Variants in BAZ1B observed in about 807,000 individuals in gnomAD.
BAZ1B encodes the protein bromodomain adjacent to zinc finger domain 1B, also known as tyrosine-protein kinase BAZ1B.
Under a neutral mutation model 153.8 loss-of-function variants are expected in BAZ1B, and 22 were observed. The ratio of observed to expected loss-of-function variants is 0.14; its 90% CI spans 0.10 to 0.20. The LOEUF is 0.20. Among genes scored for constraint, BAZ1B ranks in the 10% least tolerant of loss-of-function variants. BAZ1B has a pLI of 1.00. For synonymous variants in BAZ1B, 676 were observed against 633.4 expected (o/e 1.07, Z -1.01); for missense variants, 1,325 against 1,799.3 (o/e 0.74, Z 4.77).
intron 4 of BAZ1B, 152 bp from the exon 5 acceptor site, chr7:73,493,073 TA>T: frequency 1.3e-6 from 1 of 758,452 alleles, no homozygotes; most frequent in Non-Finnish European, 2.0e-6. Context: ...TTCAAGGAGC[TA>T]AAGTCTATGA....
At chr7:73,516,890 A>G (rs1359914364) in intron 1 of BAZ1B, among the ~76,000 whole-genome samples, 1 of 151,490 alleles carries the variant, frequency 6.6e-6, no homozygotes, top group Non-Finnish European at 1.5e-5. Context: ...TTATATTAAG[A>G]GAAAGCAAGG....
In BAZ1B at chr7:73,498,701, A is replaced by G. The variant is rs143241876; in HGVS notation, c.370-3T>C. ...TTGAGCATTTTCTCCTTCCCAACCT[A>G]TAAAGGAGGTAGTAGAGAAAATCAG... On this transcript the variant is annotated splice_region_variant and splice_polypyrimidine_tract_variant and intron_variant, in intron 3 of 19. Coordinates refer to ENST00000339594, the MANE Select transcript of BAZ1B (RefSeq NM_032408.4). 1.2e-5 allele frequency: 20 copies of G among 1,613,100 alleles called. No individual in the cohort carries two copies. The East Asian group carries it at 3.6e-4, about 29-fold the overall frequency.
Position 73,477,093 on chromosome 7 carries a change from T to G in BAZ1B, c.2368A>C (p.Lys790Gln), listed in dbSNP as rs782392160. The G allele has an allele frequency of 6.2e-7, 1 of 1,614,086 alleles. No individual in the cohort carries two copies. Among genetic ancestry groups the G allele is most frequent in the Non-Finnish European group, 8.5e-7 (1 of 1,180,038 alleles). Residue 790 changes from lysine to glutamine, a missense_variant, in exon 7 of 20, where the codon AAG becomes CAG. Coordinates refer to ENST00000339594, the MANE Select transcript of BAZ1B (RefSeq NM_032408.4). This position sits in a 1 kb window ranked among gnomAD's most constrained non-coding sequence, Gnocchi z 5.6. ...CGTTTCTGTTTCTCTGCTCTCTTCTTATCATTTTCTTCCTTCAACACAGCA... is the reference window on the plus strand; with the variant it reads ...CGTTTCTGTTTCTCTGCTCTCTTCTGATCATTTTCTTCCTTCAACACAGCA... ...RLAVLKEEND[K>Q]KRAEKQKRKE...
At chr7:73,474,044 G>A (rs1554572432) in intron 7 of BAZ1B, among the ~76,000 whole-genome samples, 1 of 152,154 alleles carries the variant, frequency 6.6e-6, no homozygotes, top group African/African-American at 2.4e-5. Flanking sequence ...TTACTACAAA[G>A]CAAAGTTATC....
At chr7:73,487,899 G>C (rs1252296299) in intron 6 of BAZ1B, among the ~76,000 whole-genome samples, 1 of 152,138 alleles carries the variant, frequency 6.6e-6, no homozygotes, top group Non-Finnish European at 1.5e-5. Flanking sequence ...TTATCTTGCT[G>C]GTCTAGAATA....
chr7:73,481,466 G>A (rs559846391), intron 6 of BAZ1B, among the ~76,000 whole-genome samples: 9 of 148,076 alleles, frequency 6.1e-5, no homozygotes, highest in East Asian at 2.1e-4. Context: ...GCAGCGAGCC[G>A]AGATGGCGCC....
chr7:73,477,454 T>G lies in BAZ1B; in HGVS notation c.2007A>C (p.Glu669Asp). ...GCTTCATTCCCAATTCACCATAGTCTTCTGCTATCTCATCTTGTAGGAGGG... is the reference window on the plus strand; with the variant it reads ...GCTTCATTCCCAATTCACCATAGTCGTCTGCTATCTCATCTTGTAGGAGGG... ...LQTLLQDEIA[E>D]DYGELGMKLS... Residue 669 changes from glutamate (E) to aspartate (D), a missense_variant, in exon 7 of 20, where the codon GAA becomes GAC. Coordinates refer to ENST00000339594, the MANE Select transcript of BAZ1B (RefSeq NM_032408.4). The surrounding 1 kb of genome is among the most constrained non-coding windows in gnomAD (Gnocchi z 5.6). 6.2e-7 allele frequency: 1 copy of G among 1,614,250 alleles called. No homozygotes were observed. The highest frequency in any genetic ancestry group is 8.5e-7 in the Non-Finnish European group (1 of 1,180,052).
chr7:73,521,665 G>A (rs559111017), intron 1 of BAZ1B, among the ~76,000 whole-genome samples, 162 bp downstream of exon 1: 2 of 151,500 alleles, frequency 1.3e-5, no homozygotes, highest in South Asian at 4.1e-4. Context: ...TGGAAGGATC[G>A]GCGGGCGCAG....
In BAZ1B at chr7:73,459,568, C is replaced by T; in HGVS notation, c.3400G>A (p.Asp1134Asn). 1 of 1,613,786 alleles carries T rather than the reference C, an allele frequency of 6.2e-7. No individual in the cohort carries two copies. The highest frequency in any genetic ancestry group is 8.5e-7 in the Non-Finnish European group (1 of 1,179,964). ...SEDSAKTEEV[D>N]EEKKMVEEAK... ...TCCTCTACCATTTTCTTCTCTTCAT[C>T]CACTTCCTCAGTTTTTGCTGAATCT... is the stretch of plus-strand genomic sequence containing the variant. The change falls in exon 13 of 20, where the codon GAT (aspartate) becomes AAT (asparagine). Residue 1134 changes from aspartate to asparagine, a missense_variant. Around this residue, in one of 9 missense-constraint regions of BAZ1B, gnomAD observed 431 missense variants for 563.5 expected, o/e 0.76. Transcript: ENST00000339594.
chr7:73,480,265 C>G (rs575683862), intron 6 of BAZ1B, among the ~76,000 whole-genome samples: 1 of 152,174 alleles, frequency 6.6e-6, no homozygotes, highest in East Asian at 1.9e-4. Flanking sequence ...TTAGTCCACT[C>G]ATGTTCCCAC....
chr7:73,470,552 A>G (rs1788763206), intron 7 of BAZ1B, 69 bp from the exon 8 acceptor site: 1 of 1,561,480 alleles, frequency 6.4e-7, no homozygotes, highest in South Asian at 1.2e-5. Flanking sequence ...ATTAAATAAA[A>G]TATGGAGTAA....
intron 12 of BAZ1B, 152 bp from the exon 13 acceptor site, chr7:73,459,870 C>A: frequency 2.9e-6 from 2 of 690,432 alleles, no homozygotes; most frequent in Non-Finnish European, 4.7e-6. Flanking sequence ...TAACTGTGCT[C>A]CTCAGTTCAC....
At chr7:73,454,246 C>T (rs1788116467) in intron 13 of BAZ1B, among the ~76,000 whole-genome samples, 1 of 152,040 alleles carries the variant, frequency 6.6e-6, no homozygotes, top group Non-Finnish European at 1.5e-5. Flanking sequence ...GATCACAAGC[C>T]TGGAGTCTGA....
At position 73,478,271 on chromosome 7, in the gene BAZ1B, T is replaced by A. The variant is rs184745405; in HGVS notation, c.1190A>T (p.His397Leu). ...KGPPAKKPGK[H>L]SDKPLKAKGR... ...CTTTGCCTTCAAAGGCTTGTCACTG[T>A]GCTTCCCTGGTTTCTTGGCAGGTGG... Residue 397 changes from histidine to leucine, a missense_variant, in exon 7 of 20, where the codon CAC becomes CTC. This residue lies in a region of BAZ1B where 219 missense variants were observed against 248.2 expected (regional missense o/e 0.88). Coordinates refer to ENST00000339594, the MANE Select transcript of BAZ1B (RefSeq NM_032408.4). 6.2e-6 allele frequency: 10 copies of A among 1,614,256 alleles called. No homozygotes were observed. The Admixed American group carries it at 1.3e-4, about 22-fold the overall frequency.
At chr7:73,455,254 C>CT (rs1554569382) in intron 13 of BAZ1B, among the ~76,000 whole-genome samples, 1 of 151,868 alleles carries the variant, frequency 6.6e-6, no homozygotes, top group Non-Finnish European at 1.5e-5. Flanking sequence ...ACAAGCAGGG[C>CT]TTTACCAGAT....
In BAZ1B at chr7:73,522,026, GGGGTGGGGTGGGGGAA is replaced by G; in HGVS notation, c.-109_-94del. On this transcript the variant is annotated 5_prime_UTR_variant, in exon 1 of 20. Transcript: ENST00000339594. ...GCCCGGAGCGAGCGCCAGGCGCCCG[GGGGTGGGGTGGGGGAA>G]GGGAGGGGTGAGAGGGCGGCGCGAA... 1 of 882,984 alleles carries G rather than the reference GGGGTGGGGTGGGGGAA, an allele frequency of 1.1e-6. No homozygotes were observed. The highest frequency in any genetic ancestry group is 1.5e-6 in the Non-Finnish European group (1 of 671,138). The allele number at this position is 882,984 out of a possible 1,614,324, so 54.7% of individuals were successfully genotyped here.
intron 19 of BAZ1B, 115 bp from the exon 20 acceptor site, chr7:73,441,808 C>T (rs1787628036): frequency 4.1e-6 from 1 of 241,302 alleles, no homozygotes; most frequent in South Asian, 1.2e-4. Context: ...CCTGATTACC[C>T]CGATCCTGCT....
intron 7 of BAZ1B, among the ~76,000 whole-genome samples, chr7:73,475,796 T>C (rs1454447630): frequency 1.3e-5 from 2 of 151,994 alleles, no homozygotes; most frequent in African/African-American, 4.8e-5. Flanking sequence ...TGATGGCGCA[T>C]GCCTGTAATC....
intron 13 of BAZ1B, among the ~76,000 whole-genome samples, chr7:73,456,819 G>A (rs1050934360): frequency 4.6e-5 from 7 of 151,402 alleles, no homozygotes; most frequent in East Asian, 1.9e-4. Flanking sequence ...GGTGGTGCAC[G>A]CCTATAGTCT....
Sources: gnomAD v4.1 joint callset for allele counts (sites outside exome capture counted in the v4.1 genomes callset) on GRCh38, gnomAD v4.1.1 for gene constraint, gnomAD v4.1.1 regional missense constraint, Gnocchi (gnomAD v3.1) non-coding constraint, MANE v1.5 for transcripts, NCBI Gene and HGNC (gene_info 2026-07-23, HGNC 2026-07-21) for gene names.